The following CSMD1 variants were observed in gnomAD, a reference collection of about 807,000 sequenced individuals.
CSMD1 encodes CUB and sushi domain-containing protein 1.
A neutral mutation model predicts 417.5 loss-of-function variants in CSMD1; 213 were observed. The ratio of observed to expected loss-of-function variants is 0.51; its 90% CI spans 0.46 to 0.57. The LOEUF (loss-of-function observed/expected upper bound fraction) is 0.57, where lower values mean the gene tolerates loss of function less well. CSMD1 is among the 20% of genes least tolerant of loss of function. The pLI is 0.00. For synonymous variants in CSMD1, 2,862 were observed against 1,736.8 expected (o/e 1.65, Z -16.11); for missense variants, 6,923 against 4,529.7 (o/e 1.53, Z -15.17).
chr8:4,209,095 C>T (rs911737566), intron 3 of CSMD1, among the ~76,000 whole-genome samples: 4 of 152,180 alleles, frequency 2.6e-5, no homozygotes, highest in Admixed American at 6.5e-5. Context: ...TTCACCCTTG[C>T]TCGCTGATGA....
At chr8:3,400,192 T>C (rs1406631687) in intron 15 of CSMD1, among the ~76,000 whole-genome samples, 1 of 152,178 alleles carries the variant, frequency 6.6e-6, no homozygotes, top group Non-Finnish European at 1.5e-5. Flanking sequence ...ACCTGTATCA[T>C]CTAAAGGAAT....
At chr8:3,607,574 C>G (rs1563194739) in intron 8 of CSMD1, among the ~76,000 whole-genome samples, 1 of 152,144 alleles carries the variant, frequency 6.6e-6, no homozygotes, top group Non-Finnish European at 1.5e-5. Flanking sequence ...TGGGAGGGAG[C>G]AGAGCTAGGA....
At chr8:4,791,051 G>A (rs1797657986) in intron 1 of CSMD1, among the ~76,000 whole-genome samples, 1 of 149,662 alleles carries the variant, frequency 6.7e-6, no homozygotes, top group Non-Finnish European at 1.5e-5. Flanking sequence ...GGAAACACAA[G>A]CTAGTAGGGA....
intron 50 of CSMD1, among the ~76,000 whole-genome samples, chr8:3,039,806 C>T (rs973360486): frequency 8.5e-5 from 13 of 152,120 alleles, no homozygotes; most frequent in South Asian, 4.1e-4. Context: ...AAGGAGATTG[C>T]GTTTAAAAAT....
chr8:4,059,190 C>A (rs1450893131), intron 3 of CSMD1, among the ~76,000 whole-genome samples: 1 of 152,142 alleles, frequency 6.6e-6, no homozygotes, highest in East Asian at 1.9e-4. Context: ...TGCTGAATGA[C>A]TACTGGGTAC....
chr8:3,637,822 G>T (rs1401180916), intron 7 of CSMD1, among the ~76,000 whole-genome samples: 1 of 152,094 alleles, frequency 6.6e-6, no homozygotes. Flanking sequence ...GAATCTTGGG[G>T]GCCAGTATTT....
At chr8:3,996,985 C>G (rs1403608666) in intron 5 of CSMD1, among the ~76,000 whole-genome samples, 1 of 152,178 alleles carries the variant, frequency 6.6e-6, no homozygotes, top group Non-Finnish European at 1.5e-5. Flanking sequence ...CCGACATGTT[C>G]ACAATCACTC....
intron 12 of CSMD1, among the ~76,000 whole-genome samples, chr8:3,416,175 C>T (rs956871614): frequency 3.3e-5 from 1 of 30,198 alleles, no homozygotes; most frequent in Admixed American, 4.4e-4. Context: ...TTGGGGGGCG[C>T]CTGTAATTCC....
chr8:4,268,763 C>T (rs1200876830), intron 3 of CSMD1, among the ~76,000 whole-genome samples: 1 of 151,596 alleles, frequency 6.6e-6, no homozygotes, highest in Non-Finnish European at 1.5e-5. Flanking sequence ...AAAAAAAAAC[C>T]CACAAATATC....
chr8:4,017,691 A>C (rs1171005040), intron 4 of CSMD1, among the ~76,000 whole-genome samples: 1 of 152,098 alleles, frequency 6.6e-6, no homozygotes, highest in Non-Finnish European at 1.5e-5. Context: ...GACTTCAAAA[A>C]CTGCATGGTC....
intron 36 of CSMD1, among the ~76,000 whole-genome samples, chr8:3,182,099 T>G (rs954768706): frequency 4.6e-5 from 7 of 152,038 alleles, no homozygotes; most frequent in Non-Finnish European, 7.4e-5. Flanking sequence ...GATAAATTAT[T>G]CAAGTACTGC....
chr8:3,201,591 G>C, intron 32 of CSMD1, 21 bp downstream of exon 32: 1 of 1,463,102 alleles, frequency 6.8e-7, no homozygotes, highest in Non-Finnish European at 9.4e-7. Context: ...TAAATTAAGG[G>C]CAAAATTCTT....
At chr8:3,406,531 G>A (rs144003520) in intron 14 of CSMD1, among the ~76,000 whole-genome samples, 82 of 152,198 alleles carry the variant, frequency 5.4e-4, no homozygotes, top group African/African-American at 1.9e-3. Context: ...GAAAGTGTCT[G>A]GGCTCAAGAT....
At chr8:3,304,152 G>T (rs1055737621) in intron 25 of CSMD1, among the ~76,000 whole-genome samples, 1 of 152,050 alleles carries the variant, frequency 6.6e-6, no homozygotes, top group African/African-American at 2.4e-5. Context: ...TTTACATTAA[G>T]ATATCATAGT....
intron 4 of CSMD1, among the ~76,000 whole-genome samples, chr8:4,010,283 C>G (rs992183423): frequency 1.3e-5 from 2 of 152,182 alleles, no homozygotes; most frequent in African/African-American, 4.8e-5. Context: ...AGCTTTGAGT[C>G]TCTTGCCATA....
chr8:4,981,755 G>C (rs1027396626), intron 1 of CSMD1, among the ~76,000 whole-genome samples: 1 of 152,148 alleles, frequency 6.6e-6, no homozygotes, highest in African/African-American at 2.4e-5. Flanking sequence ...CTCCTTGAGA[G>C]TGGGCAGGAC....
intron 3 of CSMD1, among the ~76,000 whole-genome samples, chr8:4,141,468 G>C (rs988500961): frequency 2.0e-5 from 3 of 151,096 alleles, no homozygotes; most frequent in African/African-American, 7.4e-5. Flanking sequence ...CACTGCTTTT[G>C]TATACAATAT....
At chr8:4,819,385 T>G in intron 1 of CSMD1, among the ~76,000 whole-genome samples, 1 of 152,278 alleles carries the variant, frequency 6.6e-6, no homozygotes, top group South Asian at 2.1e-4. Flanking sequence ...CTCTCAAATT[T>G]GTTTCATTTT....
chr8:4,989,374 G>A (rs1280389886), intron 1 of CSMD1, among the ~76,000 whole-genome samples: 1 of 152,140 alleles, frequency 6.6e-6, no homozygotes, highest in Non-Finnish European at 1.5e-5. Context: ...CTTAGTCCAA[G>A]TTCCTACTTT....
Sources: gnomAD v4.1 joint callset for allele counts (sites outside exome capture counted in the v4.1 genomes callset) on GRCh38, gnomAD v4.1.1 for gene constraint, MANE v1.5 for transcripts, NCBI Gene and HGNC (gene_info 2026-07-23, HGNC 2026-07-21) for gene names.